The following ITFG2 variants were observed in gnomAD, a reference collection of about 807,000 sequenced individuals.
ITFG2 encodes KICSTOR complex protein ITFG2.
A neutral mutation model predicts 54.4 loss-of-function variants in ITFG2; 36 were observed. The observed-to-expected ratio is 0.66, with a 90% CI of 0.51 to 0.87. The LOEUF is 0.87. Ranked by LOEUF, ITFG2 falls within the 40% of genes least tolerant of loss-of-function variation. The pLI, the probability that ITFG2 is intolerant of heterozygous loss-of-function variation, is 0.00. For synonymous variants in ITFG2, 211 were observed against 225.4 expected (o/e 0.94, Z 0.57); for missense variants, 524 against 576.7 (o/e 0.91, Z 0.94).
chr12:2,858,784 G>A (rs138164446), intron 3 of ITFG2: 74 of 1,614,102 alleles, frequency 4.6e-5, no homozygotes, highest in Middle Eastern at 1.6e-4. Context: ...GTCAGAGAAC[G>A]ATTGGCTGCA....
chr12:2,849,526 C>T, intron 2 of ITFG2: 1 of 1,536,002 alleles, frequency 6.5e-7, no homozygotes, highest in Non-Finnish European at 8.7e-7. Flanking sequence ...GTGCCGGTAC[C>T]TGTTGGGAGA....
chr12:2,839,200 G>A (rs78176233), intron 1 of ITFG2, among the ~76,000 whole-genome samples: 6,758 of 152,194 alleles, frequency 0.044, 200 homozygotes, highest in Non-Finnish European at 0.066. Context: ...CTGAAGTGGG[G>A]GAATCACTTG....
Position 2,819,849 on chromosome 12 carries a change from T to G in ITFG2, c.407-237T>G, listed in dbSNP as rs2097936753. The G allele has an allele frequency of 1.1e-5, 4 of 372,514 alleles. No homozygotes were observed. In the South Asian group the frequency reaches 3.2e-4, roughly 30 times the overall value. 23.1% of individuals were successfully genotyped at this position (372,514 alleles called of 1,614,324 possible). On this transcript the variant is annotated intron_variant, in intron 4 of 11. Transcript: ENST00000228799. ...GTGGGATGAATTGGGACACTTTGAG[T>G]TGCATGTTTGAGAAGTAATATGAAG...
At chr12:2,847,372 C>T (rs181649413) in intron 2 of ITFG2, among the ~76,000 whole-genome samples, 1 of 152,258 alleles carries the variant, frequency 6.6e-6, no homozygotes, top group African/African-American at 2.4e-5. Flanking sequence ...TAAACAGTAA[C>T]TCCCGGCCAG....
chr12:2,826,088 T>G (rs1034125971), downstream of ITFG2: 6 of 152,046 alleles, frequency 3.9e-5, no homozygotes, highest in Admixed American at 1.3e-4. Flanking sequence ...TAATCCATGA[T>G]TTGAGAGACT....
At position 2,822,776 on chromosome 12, in the gene ITFG2, GTC is replaced by G. The variant is rs1423112128; in HGVS notation, c.949-14_949-13del. The G allele has an allele frequency of 6.2e-7, 1 of 1,603,770 alleles. No homozygotes were observed. Among genetic ancestry groups the G allele is most frequent in the East Asian group, 2.2e-5 (1 of 44,822 alleles). On this transcript the variant is annotated splice_polypyrimidine_tract_variant and intron_variant, in intron 9 of 11. Coordinates refer to ENST00000228799, the MANE Select transcript of ITFG2 (RefSeq NM_018463.4). ...TCCACAGCTCCTTTATGTTCCTTTT[GTC>G]TCTGTCCTTTTTCAGGGCAACGGGC...
Position 2,820,079 on chromosome 12 carries a change from C to A in ITFG2, c.407-7C>A. The A allele has an allele frequency of 6.2e-7, 1 of 1,600,484 alleles. No homozygotes were observed. On this transcript the variant is annotated splice_region_variant and splice_polypyrimidine_tract_variant and intron_variant, in intron 4 of 11. Coordinates refer to ENST00000228799, the MANE Select transcript of ITFG2 (RefSeq NM_018463.4). The stretch of plus-strand genomic sequence containing the variant: ...TCCAGAGCCCATCTTGTCTTTCATG[C>A]CCACAGATGGAGATGGGTGTCGTGA...
At chr12:2,827,479 G>A, downstream of ITFG2, 2 of 1,535,320 alleles carry the variant, frequency 1.3e-6, no homozygotes, top group Non-Finnish European at 1.7e-6. This position sits in a 1 kb window ranked among gnomAD's most constrained non-coding sequence, Gnocchi z 4.0. Context: ...TTTTCACTTG[G>A]TGGTAAGTAA....
chr12:2,841,771 T>G (rs1373773653), intron 2 of ITFG2, among the ~76,000 whole-genome samples: 2 of 151,926 alleles, frequency 1.3e-5, no homozygotes, highest in African/African-American at 4.8e-5. Context: ...CAGGCTGGAG[T>G]GCAGTGGCAT....
upstream of ITFG2, among the ~76,000 whole-genome samples, chr12:2,832,607 C>T (rs905955443): frequency 5.9e-5 from 9 of 152,036 alleles, no homozygotes; most frequent in African/African-American, 4.8e-5. Flanking sequence ...TCTCCATACA[C>T]GCCAAGCTGG....
Position 2,845,115 on chromosome 12 carries a change from G to A in ITFG2, n.300+4120G>A, listed in dbSNP as rs1440597741. Among the ~76,000 whole-genome samples, 1 of 151,340 alleles carries A rather than the reference G, an allele frequency of 6.6e-6. No homozygotes were observed. Among genetic ancestry groups the A allele is most frequent in the South Asian group, 2.1e-4 (1 of 4,764 alleles). On this transcript the variant is annotated intron_variant and non_coding_transcript_variant, in intron 2 of 3. Transcript: ENST00000537710. The surrounding 1 kb of genome is among the most constrained non-coding windows in gnomAD (Gnocchi z 4.2). Reference sequence around the variant, plus strand: ...GTAATGAAAAGAGCAAATGTGTGCGGCTCGGTGGCAGCACAACTAAGGACA... The same window carrying A: ...GTAATGAAAAGAGCAAATGTGTGCGACTCGGTGGCAGCACAACTAAGGACA...
upstream of ITFG2, chr12:2,835,283 G>C: frequency 2.2e-6 from 2 of 909,500 alleles, no homozygotes; most frequent in South Asian, 1.0e-4. Flanking sequence ...TTGTCACTGT[G>C]TGGGGGCAGC....
At position 2,820,367 on chromosome 12, in the gene ITFG2, A is replaced by G. The variant is rs1019391908; in HGVS notation, c.546+142A>G. ...CCTTGTCAAGAGAGATCCAAAGACC[A>G]TTTCAAATCAGGGGCTTAGGGGAAA... On this transcript the variant is annotated intron_variant, in intron 5 of 11. Transcript: ENST00000228799. 9 of 1,077,192 alleles carry G rather than the reference A, an allele frequency of 8.4e-6. No homozygotes were observed. In the East Asian group the frequency reaches 1.6e-4, roughly 19 times the overall value. 66.7% of individuals were successfully genotyped at this position (1,077,192 alleles called of 1,614,324 possible).
intron 2 of ITFG2, among the ~76,000 whole-genome samples, chr12:2,854,237 C>T (rs964694247): frequency 7.9e-5 from 12 of 151,988 alleles, no homozygotes; most frequent in African/African-American, 2.9e-4. Context: ...GTTGGTCAGG[C>T]TGGTCTGGAA....
chr12:2,856,430 A>G (rs1302790270), intron 2 of ITFG2, among the ~76,000 whole-genome samples: 1 of 152,084 alleles, frequency 6.6e-6, no homozygotes, highest in Non-Finnish European at 1.5e-5. Context: ...CAATGGTGCA[A>G]TCTCGGCTCA....
intron 1 of ITFG2, among the ~76,000 whole-genome samples, chr12:2,839,890 G>A (rs369113173): frequency 1.3e-5 from 2 of 152,100 alleles, no homozygotes; most frequent in Admixed American, 6.6e-5. Flanking sequence ...ACTTATAAGC[G>A]GGAGCTAAAC....
intron 2 of ITFG2, chr12:2,854,753 A>G: frequency 8.1e-6 from 7 of 860,702 alleles, no homozygotes; most frequent in Non-Finnish European, 1.2e-5. Context: ...TCGTCCTTCC[A>G]GCTACACTCA....
At chr12:2,826,997 A>G (rs560303439), downstream of ITFG2, 160 of 1,384,218 alleles carry the variant, frequency 1.2e-4, no homozygotes, top group African/African-American at 2.0e-3. Flanking sequence ...TGGGCCCTCT[A>G]GTGAAAACTC....
At chr12:2,859,145 T>C (rs760924577) in intron 3 of ITFG2, 2 of 1,606,474 alleles carry the variant, frequency 1.2e-6, no homozygotes, top group Non-Finnish European at 1.7e-6. Context: ...TAAAAGGTCC[T>C]CCCACTTCCT....
Sources: gnomAD v4.1 joint callset for allele counts (sites outside exome capture counted in the v4.1 genomes callset) on GRCh38, gnomAD v4.1.1 for gene constraint, Gnocchi (gnomAD v3.1) non-coding constraint, MANE v1.5 for transcripts, NCBI Gene and HGNC (gene_info 2026-07-23, HGNC 2026-07-21) for gene names.